PIAS2: variants seen among roughly 807,000 people sequenced by gnomAD.
PIAS2 encodes protein inhibitor of activated STAT 2.
Under a neutral mutation model 69.7 loss-of-function variants are expected in PIAS2, and 19 were observed. The ratio of observed to expected loss-of-function variants is 0.27; its 90% CI spans 0.19 to 0.40. The LOEUF (loss-of-function observed/expected upper bound fraction) is 0.40. Among genes scored for constraint, PIAS2 ranks in the 10% least tolerant of loss-of-function variants. PIAS2 has a pLI of 1.00. For missense variants in PIAS2, 624 were observed against 757.0 expected, an observed-to-expected ratio of 0.82 and a Z score of 2.06; for synonymous variants, 261 against 263.2, an observed-to-expected ratio of 0.99 and a Z score of 0.08.
intron 3 of PIAS2, among the ~76,000 whole-genome samples, chr18:46,862,696 T>C (rs2048855248): frequency 6.6e-6 from 1 of 152,088 alleles, no homozygotes; most frequent in Non-Finnish European, 1.5e-5. Flanking sequence ...CACACATATA[T>C]ATACACATAT....
Position 46,807,368 on chromosome 18 carries a change from TATATATATA to T in PIAS2, c.*5056_*5064del, listed in dbSNP as rs1225274593. 6 of 27,614 alleles carry T rather than the reference TATATATATA, an allele frequency of 2.2e-4. No homozygotes were observed. The highest frequency in any genetic ancestry group is 1.3e-3 in the African/African-American group (5 of 3,958). The allele number at this position is 27,614 out of a possible 1,614,324, so 1.7% of individuals were successfully genotyped here. ...ACATGTCAGATTTTATATATATATA[TATATATATA>T]TATATATTTTTTTTTTTTTTTTTTT... On this transcript the variant is annotated 3_prime_UTR_variant, in exon 14 of 14. Transcript: ENST00000585916.
rs114914015 is a variant in PIAS2 at position 46,826,022 on chromosome 18, G to A, written c.1508+1937C>T. 5.8e-3 allele frequency among the ~76,000 whole-genome samples: 880 copies of A among 152,250 alleles called. 10 individuals are homozygous for A. Among genetic ancestry groups the A allele is most frequent in the African/African-American group, 0.02 (841 of 41,538 alleles). ...GTCTGTTTCTTAAGAGTTCTTCCGT[G>A]TATTAATGTGTATGTATGTCTAGGT... On this transcript the variant is annotated intron_variant, in intron 11 of 13. Transcript: ENST00000585916.
rs575421045 is a variant in PIAS2, at chr18:46,812,556, C to T, written c.1743G>A (p.Thr581=). 41 of 1,613,206 alleles carry T rather than the reference C, an allele frequency of 2.5e-5. 1 individual carries two copies. The highest frequency in any genetic ancestry group is 1.6e-4 in the East Asian group (7 of 44,858). The change falls in exon 14 of 14, where the codon ACG becomes ACA. Residue 581 remains threonine (T), a synonymous_variant. Transcript: ENST00000585916. ...SLTSPLTASS[T]SVTTTSSHES... ...CATGGGAGCTGGTGGTGGTGACAGA[C>T]GTACTGCTTGCTGTTAAGGGTGAGG...
chr18:46,865,110 C>G (rs1421311549), intron 2 of PIAS2, among the ~76,000 whole-genome samples: 1 of 152,094 alleles, frequency 6.6e-6, no homozygotes, highest in Non-Finnish European at 1.5e-5. Flanking sequence ...GTATTTATGA[C>G]TTCACAAAAA....
At chr18:46,828,218 A>G (rs2043089337) in intron 10 of PIAS2, 88 bp from the exon 11 acceptor site, 19 of 1,193,186 alleles carry the variant, frequency 1.6e-5, no homozygotes, top group Non-Finnish European at 2.0e-5. Context: ...TCAGTATAGT[A>G]TGTTCCTGAC....
At chr18:46,819,850 T>G (rs1471121602) in intron 12 of PIAS2, among the ~76,000 whole-genome samples, 5 of 152,070 alleles carry the variant, frequency 3.3e-5, no homozygotes, top group African/African-American at 1.2e-4. Flanking sequence ...GGAGGGAAGT[T>G]TAAATTTTGT....
At chr18:46,891,497 A>G (rs963803423) in intron 1 of PIAS2, 2 of 161,816 alleles carry the variant, frequency 1.2e-5, no homozygotes, top group African/African-American at 4.8e-5. Flanking sequence ...TAGATGTGTA[A>G]CTTTTGATGC....
intron 3 of PIAS2, among the ~76,000 whole-genome samples, chr18:46,859,146 G>C (rs1466616280): frequency 1.3e-5 from 2 of 152,072 alleles, no homozygotes; most frequent in African/African-American, 4.8e-5. Flanking sequence ...AATCAATGAA[G>C]GGCCAGACGC....
intron 2 of PIAS2, among the ~76,000 whole-genome samples, chr18:46,884,946 G>A (rs76214465): frequency 1.3e-5 from 2 of 151,938 alleles, no homozygotes; most frequent in Non-Finnish European, 2.9e-5. Flanking sequence ...AATTGAAGAG[G>A]AAATCAAGAC....
At chr18:46,837,052 C>T (rs2145109821) in intron 8 of PIAS2, among the ~76,000 whole-genome samples, 1 of 152,032 alleles carries the variant, frequency 6.6e-6, no homozygotes, top group African/African-American at 2.4e-5. Flanking sequence ...TAAATTGTTC[C>T]CAATCTTTTA....
chr18:46,899,448 G>A (rs945332660), intron 1 of PIAS2, among the ~76,000 whole-genome samples: 11 of 152,174 alleles, frequency 7.2e-5, no homozygotes, highest in East Asian at 3.9e-4. Flanking sequence ...CACCACTGCC[G>A]AACCAGAGTA....
chr18:46,894,270 T>C (rs2054512352), intron 1 of PIAS2, among the ~76,000 whole-genome samples: 2 of 152,208 alleles, frequency 1.3e-5, no homozygotes, highest in Admixed American at 6.5e-5. Context: ...AATACCTATT[T>C]TTTCTTAACT....
chr18:46,856,170 T>C (rs993226002), intron 3 of PIAS2, among the ~76,000 whole-genome samples: 5 of 151,860 alleles, frequency 3.3e-5, no homozygotes, highest in African/African-American at 1.2e-4. Context: ...CACGCCCGGC[T>C]AATTTTATTT....
chr18:46,815,251 A>T, intron 13 of PIAS2, 61 bp downstream of exon 13: 2 of 1,373,418 alleles, frequency 1.5e-6, no homozygotes, highest in South Asian at 1.2e-5. Flanking sequence ...GGTCATTTTT[A>T]GTTAGTATGA....
chr18:46,848,114 T>C (rs1378635462), intron 5 of PIAS2, among the ~76,000 whole-genome samples: 2 of 152,238 alleles, frequency 1.3e-5, no homozygotes, highest in East Asian at 1.9e-4. Flanking sequence ...CATTAATGCA[T>C]ACATTTTTCC....
At chr18:46,817,900 G>A (rs1386636490) in intron 12 of PIAS2, 16 of 979,070 alleles carry the variant, frequency 1.6e-5, no homozygotes, top group Non-Finnish European at 7.3e-6. Context: ...CATCAGTAGT[G>A]ATTAAAATTT....
At chr18:46,914,557 C>T (rs1182044059) in intron 1 of PIAS2, among the ~76,000 whole-genome samples, 1 of 149,830 alleles carries the variant, frequency 6.7e-6, no homozygotes, top group East Asian at 2.0e-4. Flanking sequence ...ATAACCAACC[C>T]TCCCCCCCCC....
chr18:46,844,779 A>G lies in PIAS2; in HGVS notation c.922T>C (p.Leu308=). Residue 308 remains leucine, a synonymous_variant, in exon 7 of 14, where the codon TTA becomes CTA. Coordinates refer to ENST00000585916, the MANE Select transcript of PIAS2 (RefSeq NM_004671.5). The part of the protein sequence containing the change: ...QLTSAMLLQR[L]KMKGIRNPDH... The stretch of plus-strand genomic sequence containing the variant: ...GGGTTTCTAATACCTTTCATTTTTA[A>G]TCTCTGTAATAACATGGCTGATGTA... 2 of 1,495,208 alleles carry G rather than the reference A, an allele frequency of 1.3e-6. No homozygotes were observed. Among genetic ancestry groups the G allele is most frequent in the East Asian group, 2.5e-5 (1 of 39,358 alleles). The allele number at this position is 1,495,208 out of a possible 1,614,324, so 92.6% of individuals were successfully genotyped here.
intron 1 of PIAS2, among the ~76,000 whole-genome samples, chr18:46,904,881 T>A (rs1282893869): frequency 1.3e-5 from 2 of 152,106 alleles, no homozygotes; most frequent in Admixed American, 1.3e-4. Flanking sequence ...TACAGTTCTT[T>A]CATGTGCTAG....
Sources: gnomAD v4.1 joint callset for allele counts (sites outside exome capture counted in the v4.1 genomes callset) on GRCh38, gnomAD v4.1.1 for gene constraint, MANE v1.5 for transcripts, NCBI Gene and HGNC (gene_info 2026-07-23, HGNC 2026-07-21) for gene names.